MAGI2: variants seen among roughly 807,000 people sequenced by gnomAD.
The protein encoded by MAGI2 is membrane associated guanylate kinase, WW and PDZ domain containing 2, also known as membrane-associated guanylate kinase, WW and PDZ domain-containing protein 2.
A neutral mutation model predicts 133.3 loss-of-function variants in MAGI2; 35 were observed. The observed-to-expected ratio is 0.26, with a 90% CI of 0.20 to 0.35. MAGI2 has a LOEUF of 0.35. Among genes scored for constraint, MAGI2 ranks in the 10% least tolerant of loss-of-function variants. The pLI, the probability that MAGI2 is intolerant of heterozygous loss-of-function variation, is 1.00. For synonymous variants in MAGI2, 729 were observed against 710.6 expected (o/e 1.03, Z -0.41); for missense variants, 1,636 against 1,863.4 (o/e 0.88, Z 2.25).
intron 1 of MAGI2, among the ~76,000 whole-genome samples, chr7:79,310,857 A>G (rs980977014): frequency 1.2e-4 from 18 of 152,092 alleles, no homozygotes; most frequent in Admixed American, 1.1e-3. Flanking sequence ...TTGCCTTTCT[A>G]CAGCAGTACT....
At chr7:79,007,897 T>A (rs1047249880) in intron 1 of MAGI2, among the ~76,000 whole-genome samples, 3 of 130,490 alleles carry the variant, frequency 2.3e-5, no homozygotes, top group African/African-American at 5.6e-5. Flanking sequence ...GAATGTAGGG[T>A]TTTTTTTTCC....
chr7:79,100,527 C>T (rs752757610), intron 1 of MAGI2, among the ~76,000 whole-genome samples: 16 of 151,192 alleles, frequency 1.1e-4, no homozygotes, highest in Non-Finnish European at 1.3e-4. Flanking sequence ...TATTTTGTAA[C>T]GTGTATATCT....
intron 6 of MAGI2, among the ~76,000 whole-genome samples, chr7:78,421,117 A>G (rs17150702): frequency 0.015 from 2,328 of 152,280 alleles, 70 homozygotes; most frequent in African/African-American, 0.053. Context: ...GCAAACAATC[A>G]CCTTGTCAGA....
At chr7:78,101,655 G>A (rs1818221302) in intron 20 of MAGI2, among the ~76,000 whole-genome samples, 2 of 152,030 alleles carry the variant, frequency 1.3e-5, no homozygotes, top group Non-Finnish European at 2.9e-5. Flanking sequence ...ATGATATTTT[G>A]GATATGACAC....
At chr7:79,183,960 A>G (rs1317941065) in intron 1 of MAGI2, among the ~76,000 whole-genome samples, 1 of 151,572 alleles carries the variant, frequency 6.6e-6, no homozygotes, top group Admixed American at 6.6e-5. Context: ...TAGAGAGTAG[A>G]ATGATGGGTA....
chr7:78,135,302 C>T lies in MAGI2; in HGVS notation c.2846-96G>A, dbSNP rs1374686021. 12 of 1,033,298 alleles carry T rather than the reference C, an allele frequency of 1.2e-5. No individual in the cohort carries two copies. The East Asian group carries it at 2.9e-4, about 25-fold the overall frequency. The allele number at this position is 1,033,298 out of a possible 1,614,324, so 64.0% of individuals were successfully genotyped here. ...AGGAAACAATGAAATGTCAGAATTCCTTCCTTCGTCAGTGTATTTGCCTTT... is the reference window on the plus strand; with the variant it reads ...AGGAAACAATGAAATGTCAGAATTCTTTCCTTCGTCAGTGTATTTGCCTTT... On this transcript the variant is annotated intron_variant, in intron 16 of 21. Transcript: ENST00000354212.
At chr7:79,389,633 T>A (rs916708694) in intron 1 of MAGI2, among the ~76,000 whole-genome samples, 1 of 152,130 alleles carries the variant, frequency 6.6e-6, no homozygotes, top group Non-Finnish European at 1.5e-5. Flanking sequence ...TAAAAGCTTT[T>A]CCCAGATATC....
chr7:79,179,654 G>T (rs566684655), intron 1 of MAGI2, among the ~76,000 whole-genome samples: 9 of 152,092 alleles, frequency 5.9e-5, no homozygotes, highest in African/African-American at 1.9e-4. Flanking sequence ...TGGTAAAGCT[G>T]TCAAGAACAC....
intron 4 of MAGI2, among the ~76,000 whole-genome samples, chr7:78,509,098 G>A (rs1795350788): frequency 6.6e-6 from 1 of 151,564 alleles, no homozygotes; most frequent in Admixed American, 6.6e-5. Flanking sequence ...TTGCGTTTCT[G>A]TGTCTCTTAG....
chr7:79,366,255 A>AAACC (rs1356303574), intron 1 of MAGI2, among the ~76,000 whole-genome samples: 2 of 152,118 alleles, frequency 1.3e-5, no homozygotes, highest in African/African-American at 4.8e-5. Flanking sequence ...ACAAACAAAC[A>AAACC]AACAAAGAAA....
At chr7:78,697,903 G>T (rs1327155742) in intron 2 of MAGI2, among the ~76,000 whole-genome samples, 1 of 152,046 alleles carries the variant, frequency 6.6e-6, no homozygotes, top group Non-Finnish European at 1.5e-5. Context: ...TAGAAAAAAA[G>T]TATACCTATT....
At chr7:78,083,953 A>G (rs866646478) in intron 20 of MAGI2, among the ~76,000 whole-genome samples, 1 of 152,212 alleles carries the variant, frequency 6.6e-6, no homozygotes, top group Non-Finnish European at 1.5e-5. Flanking sequence ...GCTTGTCTCA[A>G]TGAAATATTT....
chr7:79,316,686 C>A (rs1447001517), intron 1 of MAGI2, among the ~76,000 whole-genome samples: 1 of 152,150 alleles, frequency 6.6e-6, no homozygotes, highest in East Asian at 1.9e-4. Flanking sequence ...AATGTTGTAT[C>A]AGACCAATTC....
At chr7:79,437,846 G>C (rs188733967) in intron 1 of MAGI2, among the ~76,000 whole-genome samples, 314 of 152,136 alleles carry the variant, frequency 2.1e-3, no homozygotes, top group African/African-American at 7.4e-3. Context: ...GTGTTTATAA[G>C]TGATAAATTA....
intron 3 of MAGI2, among the ~76,000 whole-genome samples, chr7:78,561,924 C>T (rs188119211): frequency 6.6e-6 from 1 of 152,086 alleles, no homozygotes; most frequent in East Asian, 1.9e-4. Context: ...GATAGAAAAC[C>T]ACAAGGAGGA....
intron 1 of MAGI2, among the ~76,000 whole-genome samples, chr7:79,126,955 C>A (rs929562101): frequency 2.6e-5 from 4 of 151,480 alleles, no homozygotes; most frequent in African/African-American, 9.7e-5. Context: ...CCCTCCTCCC[C>A]CCACCCCACA....
At chr7:78,649,236 G>GAAAAAAGA (rs1811261064) in intron 2 of MAGI2, among the ~76,000 whole-genome samples, 3 of 88,188 alleles carry the variant, frequency 3.4e-5, no homozygotes, top group African/African-American at 4.8e-5. Context: ...AAAAAAAAAA[G>GAAAAAAGA]AAAAAAAAAG....
At chr7:79,210,869 C>T (rs1167872798) in intron 1 of MAGI2, among the ~76,000 whole-genome samples, 1 of 151,968 alleles carries the variant, frequency 6.6e-6, no homozygotes, top group Non-Finnish European at 1.5e-5. Flanking sequence ...TGGCATCATC[C>T]ACCTTTCACT....
At chr7:79,121,709 C>T (rs933139881) in intron 1 of MAGI2, among the ~76,000 whole-genome samples, 2 of 152,080 alleles carry the variant, frequency 1.3e-5, no homozygotes, top group African/African-American at 2.4e-5. Context: ...TCTTTTAATA[C>T]TCATAAATTT....
Sources: gnomAD v4.1 joint callset for allele counts (sites outside exome capture counted in the v4.1 genomes callset) on GRCh38, gnomAD v4.1.1 for gene constraint, MANE v1.5 for transcripts, NCBI Gene and HGNC (gene_info 2026-07-23, HGNC 2026-07-21) for gene names.